ANXA8: variants seen among roughly 807,000 people sequenced by gnomAD.
ANXA8 encodes the protein VAC-beta.
ANXA8 carries 9 observed loss-of-function variants against 26.8 expected under a neutral mutation model. That is an observed-to-expected ratio of 0.34 (90% CI 0.20 to 0.59). ANXA8 has a LOEUF of 0.59. Ranked by LOEUF, ANXA8 falls within the 20% of genes least tolerant of loss-of-function variation. ANXA8 has a pLI of 0.84. For missense variants in ANXA8, 83 were observed against 238.5 expected (o/e 0.35, Z 4.29); for synonymous variants, 39 against 94.8 (o/e 0.41, Z 3.42).
chr10:47,516,789 TG>T, the ANXA8 span, among the ~76,000 whole-genome samples: 18 of 130,224 alleles, frequency 1.4e-4, 3 homozygotes, highest in Non-Finnish European at 2.5e-4. Flanking sequence ...CTACAATACT[TG>T]GGGGAAAAAC....
chr10:47,695,902 C>T, the ANXA8 span, among the ~76,000 whole-genome samples: 1 of 151,880 alleles, frequency 6.6e-6, no homozygotes, highest in Admixed American at 6.6e-5. Flanking sequence ...CAAAGTCTTT[C>T]ACTTTTAACT....
the ANXA8 span, among the ~76,000 whole-genome samples, chr10:47,498,983 TC>T: frequency 4.1e-4 from 57 of 139,356 alleles, no homozygotes; most frequent in Middle Eastern, 3.5e-3. Flanking sequence ...GCGCCTGTAA[TC>T]CCAGTTACTC....
chr10:47,976,573 A>ACACACACACACAC, the ANXA8 span, among the ~76,000 whole-genome samples: 1 of 145,544 alleles, frequency 6.9e-6, no homozygotes, highest in African/African-American at 2.5e-5. Context: ...ACACACACAC[A>ACACACACACACAC]ATTAACATTC....
intron 11 of ANXA8, 145 bp from the exon 12 acceptor site, chr10:47,469,051 C>T: frequency 7.8e-7 from 1 of 1,283,162 alleles, no homozygotes. Context: ...GGGGTTGTGC[C>T]ATCACCCCTC....
chr10:47,955,438 C>A, the ANXA8 span, among the ~76,000 whole-genome samples: 2 of 149,144 alleles, frequency 1.3e-5, no homozygotes, highest in African/African-American at 2.5e-5. Flanking sequence ...CTTACACAAA[C>A]CTAAATGGTA....
At chr10:47,497,629 A>C in the ANXA8 span, among the ~76,000 whole-genome samples, 142 of 139,618 alleles carry the variant, frequency 1.0e-3, 4 homozygotes, top group African/African-American at 1.5e-3. Context: ...CAAAAAAAAA[A>C]AACAACAACA....
the ANXA8 span, among the ~76,000 whole-genome samples, chr10:47,600,442 T>C: frequency 6.8e-6 from 1 of 147,998 alleles, no homozygotes; most frequent in Non-Finnish European, 1.5e-5. Flanking sequence ...CATCGGGATG[T>C]TGGATAGTGA....
chr10:47,658,283 G>A, the ANXA8 span, among the ~76,000 whole-genome samples: 3 of 149,312 alleles, frequency 2.0e-5, no homozygotes, highest in African/African-American at 7.7e-5. Context: ...CTACTTGGGA[G>A]GCTGAGGCAG....
At chr10:47,763,780 A>AGGGT in the ANXA8 span, among the ~76,000 whole-genome samples, 1 of 99,570 alleles carries the variant, frequency 1.0e-5, no homozygotes. Flanking sequence ...GGTGCAGGGG[A>AGGGT]GTGTGTGTGT....
the ANXA8 span, among the ~76,000 whole-genome samples, chr10:47,966,019 G>T: frequency 2.2e-5 from 3 of 137,252 alleles, no homozygotes; most frequent in African/African-American, 5.1e-5. Flanking sequence ...AGCGAAAGAC[G>T]ATGGGATGTG....
the ANXA8 span, among the ~76,000 whole-genome samples, chr10:47,493,325 A>C: frequency 1.3e-5 from 2 of 149,024 alleles, no homozygotes; most frequent in Non-Finnish European, 2.9e-5. Context: ...AGAGTCCAGG[A>C]TGCTTTGCCC....
At chr10:47,653,971 T>C in the ANXA8 span, among the ~76,000 whole-genome samples, 24 of 150,720 alleles carry the variant, frequency 1.6e-4, no homozygotes, top group Non-Finnish European at 1.9e-4. Context: ...ACAATGGGAA[T>C]GGGTAGGAAC....
At chr10:47,693,039 T>C in the ANXA8 span, among the ~76,000 whole-genome samples, 1 of 151,622 alleles carries the variant, frequency 6.6e-6, no homozygotes, top group Non-Finnish European at 1.5e-5. Context: ...CTGGCCAGAA[T>C]ATGTTTTCAC....
chr10:47,894,899 A>G, the ANXA8 span, among the ~76,000 whole-genome samples: 34 of 150,006 alleles, frequency 2.3e-4, no homozygotes, highest in Non-Finnish European at 3.0e-5. Context: ...CACACACAAA[A>G]TACACACACA....
At chr10:47,733,169 CT>C in the ANXA8 span, among the ~76,000 whole-genome samples, 12 of 101,300 alleles carry the variant, frequency 1.2e-4, no homozygotes, top group African/African-American at 3.1e-4. Flanking sequence ...TTCTTTCTTT[CT>C]TTCTTTCTTT....
chr10:47,501,004 C>T, the ANXA8 span, among the ~76,000 whole-genome samples: 14 of 141,566 alleles, frequency 9.9e-5, no homozygotes, highest in African/African-American at 3.2e-4. Flanking sequence ...CGCCATTCTC[C>T]TGCCTCAGCC....
chr10:47,721,080 A>G, the ANXA8 span, among the ~76,000 whole-genome samples: 28 of 141,138 alleles, frequency 2.0e-4, 2 homozygotes, highest in Admixed American at 5.0e-4. Flanking sequence ...CCAGGAGATC[A>G]ATTGTTACAG....
At chr10:47,484,469 G>A (rs1421801141), upstream of ANXA8, 45 of 1,087,694 alleles carry the variant, frequency 4.1e-5, 1 homozygote, top group Non-Finnish European at 4.8e-5. Context: ...GGGGCAAGGG[G>A]CTCATATTCA....
the ANXA8 span, chr10:47,763,463 A>G: frequency 2.0e-5 from 12 of 597,168 alleles, no homozygotes; most frequent in African/African-American, 1.5e-4. Flanking sequence ...CTTAAGAAGC[A>G]TGTAAAGAAC....
Sources: allele counts gnomAD v4.1 joint callset (sites outside exome capture counted in the v4.1 genomes callset), GRCh38; gene constraint gnomAD v4.1.1; transcripts MANE v1.5; gene names NCBI Gene and HGNC (gene_info 2026-07-23, HGNC 2026-07-21).